The following PARD3B variants were observed in gnomAD, a reference collection of about 807,000 sequenced individuals.
PARD3B encodes the protein partitioning defective 3 homolog B.
Under a neutral mutation model 130.2 loss-of-function variants are expected in PARD3B, and 103 were observed. That is an observed-to-expected ratio of 0.79 (90% CI 0.67 to 0.93). The LOEUF is 0.93. Among genes scored for constraint, PARD3B ranks in the 40% least tolerant of loss-of-function variants. PARD3B has a pLI of 0.00. For missense variants in PARD3B, 1,609 were observed against 1,499.2 expected, an observed-to-expected ratio of 1.07 and a Z score of -1.21; for synonymous variants, 583 against 553.2, an observed-to-expected ratio of 1.05 and a Z score of -0.76.
intron 2 of PARD3B, among the ~76,000 whole-genome samples, chr2:204,955,470 T>C (rs1690154768): frequency 6.6e-6 from 1 of 152,034 alleles, no homozygotes; most frequent in African/African-American, 2.4e-5. Flanking sequence ...AAGTCAGGAG[T>C]AGGGAGATGG....
intron 19 of PARD3B, among the ~76,000 whole-genome samples, chr2:205,404,151 T>C (rs1012429117): frequency 8.5e-5 from 13 of 152,228 alleles, no homozygotes; most frequent in Admixed American, 2.0e-4. Context: ...GTTGGCTCCA[T>C]ATCCACGTCT....
intron 19 of PARD3B, among the ~76,000 whole-genome samples, chr2:205,427,736 AC>A (rs1394980530): frequency 6.6e-6 from 1 of 152,204 alleles, no homozygotes; most frequent in African/African-American, 2.4e-5. Context: ...AAAGGAAAAA[AC>A]AATCCCTAAA....
At chr2:205,034,180 C>T (rs1697633214) in intron 3 of PARD3B, among the ~76,000 whole-genome samples, 1 of 152,144 alleles carries the variant, frequency 6.6e-6, no homozygotes, top group Non-Finnish European at 1.5e-5. Flanking sequence ...TTAGCTTAAA[C>T]ATCTGTCTTT....
chr2:205,229,957 AC>A lies in PARD3B; in HGVS notation c.2141-15819del, dbSNP rs2038750896. Among the ~76,000 whole-genome samples, 2 of 151,806 alleles carry A rather than the reference AC, an allele frequency of 1.3e-5. No homozygotes were observed. Among genetic ancestry groups the A allele is most frequent in the African/African-American group, 4.8e-5 (2 of 41,328 alleles). On this transcript the variant is annotated intron_variant, in intron 15 of 22. Coordinates refer to ENST00000406610, the MANE Select transcript of PARD3B (RefSeq NM_001302769.2). The surrounding 1 kb of genome is among the most constrained non-coding windows in gnomAD (Gnocchi z 5.2). ...CGTCCATGGCAAGTACTGCCTGTCT[AC>A]CACTGATGCTCATTCCAGGTCTAAG... is the stretch of plus-strand genomic sequence containing the variant.
At chr2:205,333,623 A>G (rs896742853) in intron 18 of PARD3B, among the ~76,000 whole-genome samples, 3 of 152,220 alleles carry the variant, frequency 2.0e-5, no homozygotes, top group African/African-American at 4.8e-5. Flanking sequence ...GGTTTCTGAT[A>G]TAAACTTCTT....
chr2:204,917,876 A>G (rs2047505892), intron 2 of PARD3B, among the ~76,000 whole-genome samples: 1 of 152,186 alleles, frequency 6.6e-6, no homozygotes, highest in Non-Finnish European at 1.5e-5. Context: ...GTAAACTGAC[A>G]ATAGTAATAG....
At chr2:204,645,694 T>C (rs111946568) in intron 1 of PARD3B, among the ~76,000 whole-genome samples, 2,098 of 152,232 alleles carry the variant, frequency 0.014, 27 homozygotes, top group African/African-American at 0.032. Flanking sequence ...AAATGATGAC[T>C]GAATTATTTT....
chr2:204,659,377 C>T (rs904259293), intron 1 of PARD3B, among the ~76,000 whole-genome samples: 8 of 152,240 alleles, frequency 5.3e-5, no homozygotes, highest in South Asian at 2.1e-4. Flanking sequence ...TGTGACACAG[C>T]TAGATAGGCT....
intron 3 of PARD3B, among the ~76,000 whole-genome samples, chr2:204,997,248 A>G (rs1024497066): frequency 6.6e-6 from 1 of 152,104 alleles, no homozygotes; most frequent in African/African-American, 2.4e-5. Context: ...TTCCACTTTA[A>G]TTTTAGAACT....
At chr2:205,580,056 C>T (rs1291817767) in intron 22 of PARD3B, among the ~76,000 whole-genome samples, 1 of 152,094 alleles carries the variant, frequency 6.6e-6, no homozygotes. Context: ...AGATTTGTCC[C>T]TTGGATTATA....
Position 205,401,036 on chromosome 2 carries a change from A to C in PARD3B, c.2654A>C (p.Lys885Thr), listed in dbSNP as rs1336795960. The change falls in exon 19 of 23, where the codon AAG (lysine) becomes ACG (threonine). Residue 885 changes from lysine (K) to threonine (T), a missense_variant. By Grantham distance (78) the Lys-to-Thr change is moderately conservative (BLOSUM62 -1). Coordinates refer to ENST00000406610, the MANE Select transcript of PARD3B (RefSeq NM_001302769.2). ...MLRFGKKKED[K>T]GGKAEQKGTL... Reference sequence around the variant, plus strand: ...AGATTTGGAAAGAAGAAAGAGGATAAGGGTGGAAAGGCTGAGCAGAAAGGT... The same window carrying C: ...AGATTTGGAAAGAAGAAAGAGGATACGGGTGGAAAGGCTGAGCAGAAAGGT... 6.2e-7 allele frequency: 1 copy of C among 1,600,860 alleles called. No individual in the cohort carries two copies. The highest frequency in any genetic ancestry group is 1.7e-5 in the Admixed American group (1 of 58,446).
intron 2 of PARD3B, among the ~76,000 whole-genome samples, chr2:204,954,190 G>A (rs1487463922): frequency 1.3e-5 from 2 of 152,146 alleles, no homozygotes; most frequent in African/African-American, 4.8e-5. Flanking sequence ...AAAGGAAAAG[G>A]TTAGCACTTC....
intron 3 of PARD3B, among the ~76,000 whole-genome samples, chr2:204,974,770 G>C (rs933292866): frequency 5.9e-5 from 9 of 152,114 alleles, no homozygotes; most frequent in African/African-American, 2.2e-4. Context: ...TTAGATGATT[G>C]GTCTTAACGA....
In PARD3B at chr2:205,563,836, T is replaced by A. The variant is rs1227512497; in HGVS notation, c.3260+10433T>A. Among the ~76,000 whole-genome samples, 1 of 152,096 alleles carries A rather than the reference T, an allele frequency of 6.6e-6. No homozygotes were observed. Among genetic ancestry groups the A allele is most frequent in the Non-Finnish European group, 1.5e-5 (1 of 68,012 alleles). ...TTGGGAACATACACAGAGATGTGAG[T>A]GGCGCCCCCTAGGGCTGCACAGACC... On this transcript the variant is annotated intron_variant, in intron 22 of 22. Transcript: ENST00000406610. The surrounding 1 kb of genome is among the most constrained non-coding windows in gnomAD (Gnocchi z 4.2).
At chr2:204,849,586 C>T (rs147868391) in intron 2 of PARD3B, among the ~76,000 whole-genome samples, 42 of 152,156 alleles carry the variant, frequency 2.8e-4, no homozygotes, top group African/African-American at 6.8e-4. Flanking sequence ...CATCCCAAAA[C>T]GCTAATTTGC....
chr2:204,781,110 A>G (rs1421148413), intron 2 of PARD3B, among the ~76,000 whole-genome samples: 1 of 152,138 alleles, frequency 6.6e-6, no homozygotes, highest in African/African-American at 2.4e-5. Flanking sequence ...TGTAATGATA[A>G]TGATTTGCTT....
intron 2 of PARD3B, among the ~76,000 whole-genome samples, chr2:204,891,432 C>T (rs559468453): frequency 5.3e-5 from 8 of 152,236 alleles, no homozygotes; most frequent in South Asian, 2.1e-4. Context: ...GTATTGAAGA[C>T]GGCAACCGCA....
intron 21 of PARD3B, among the ~76,000 whole-genome samples, chr2:205,521,054 A>T (rs113769331): frequency 1.5e-4 from 22 of 151,472 alleles, no homozygotes; most frequent in African/African-American, 4.4e-4. Flanking sequence ...GGCACATATT[A>T]CTCATCTTTC....
chr2:205,365,452 C>A (rs969502515), intron 18 of PARD3B, among the ~76,000 whole-genome samples: 4 of 151,536 alleles, frequency 2.6e-5, no homozygotes, highest in Non-Finnish European at 4.4e-5. Flanking sequence ...TGCCACAAAA[C>A]ACACAGCATC....
Sources: gnomAD v4.1 joint callset for allele counts (sites outside exome capture counted in the v4.1 genomes callset) on GRCh38, gnomAD v4.1.1 for gene constraint, Gnocchi (gnomAD v3.1) non-coding constraint, MANE v1.5 for transcripts, NCBI Gene and HGNC (gene_info 2026-07-23, HGNC 2026-07-21) for gene names.